The following ACYP2 variants were observed in gnomAD, a reference collection of about 807,000 sequenced individuals.
The protein encoded by ACYP2 is acylphosphatase 2.
A neutral mutation model predicts 11.2 loss-of-function variants in ACYP2; 12 were observed. The ratio of observed to expected loss-of-function variants is 1.08; its 90% CI spans 0.69 to 1.74. The LOEUF is 1.74. ACYP2 is among the 40% of genes most tolerant of loss of function. The pLI, the probability that ACYP2 is intolerant of heterozygous loss-of-function variation, is 0.00. For missense variants in ACYP2, 134 were observed against 101.9 expected (o/e 1.31, Z -1.35); for synonymous variants, 43 against 32.2 (o/e 1.33, Z -1.13).
chr2:54,245,014 G>C (rs1020795141), intron 6 of ACYP2, among the ~76,000 whole-genome samples: 1 of 151,960 alleles, frequency 6.6e-6, no homozygotes, highest in Admixed American at 6.6e-5. Context: ...GTCCTTTAAC[G>C]TATCTCACCA....
chr2:54,237,891 T>G (rs1433189906), intron 6 of ACYP2, among the ~76,000 whole-genome samples: 1 of 152,156 alleles, frequency 6.6e-6, no homozygotes, highest in African/African-American at 2.4e-5. Context: ...TTTCTGGACA[T>G]GCATGAATGG....
At chr2:53,977,480 A>G (rs1671550964) in intron 2 of ACYP2, among the ~76,000 whole-genome samples, 1 of 152,004 alleles carries the variant, frequency 6.6e-6, no homozygotes, top group Non-Finnish European at 1.5e-5. Flanking sequence ...CACACCTGTA[A>G]TCCCAGCACT....
intron 2 of ACYP2, among the ~76,000 whole-genome samples, chr2:54,037,657 C>G (rs951477087): frequency 6.6e-6 from 1 of 152,146 alleles, no homozygotes; most frequent in Non-Finnish European, 1.5e-5. Flanking sequence ...ATCCTCCCCC[C>G]TCACCCTCCC....
intron 4 of ACYP2, among the ~76,000 whole-genome samples, chr2:54,072,466 C>A (rs566981044): frequency 7.9e-6 from 1 of 127,162 alleles, no homozygotes; most frequent in East Asian, 3.3e-4. Context: ...TTCTTTCTTT[C>A]TTTTTCTTTC....
chr2:54,254,677 A>G, intron 6 of ACYP2: 1 of 517,868 alleles, frequency 1.9e-6, no homozygotes, highest in Non-Finnish European at 3.4e-6. Context: ...GCTTAGAAGG[A>G]TGTGACCCAT....
intron 4 of ACYP2, among the ~76,000 whole-genome samples, chr2:54,127,381 T>C (rs1308370168): frequency 6.6e-6 from 1 of 152,198 alleles, no homozygotes; most frequent in Admixed American, 6.5e-5. Context: ...TGCACATAAT[T>C]ATTTTTAAAC....
rs1288814375 is a variant in ACYP2, at chr2:54,219,905, A to ATATTTT, written c.404+81158_404+81159insATTTTT. On this transcript the variant is annotated intron_variant, in intron 6 of 6. Coordinates refer to ENST00000607452, the MANE Select transcript of ACYP2 (RefSeq NM_001320586.2). The stretch of plus-strand genomic sequence containing the variant: ...TGTATATATATATATATATATATAT[A>ATATTTT]TTTTTTTTTTTTTTTTAGTAGAGAT... Among the ~76,000 whole-genome samples the ATATTTT allele has an allele frequency of 2.2e-3, 165 of 75,960 alleles. 1 individual carries two copies. The highest frequency in any genetic ancestry group is 8.0e-3 in the South Asian group (13 of 1,634). The allele number at this position is 75,960 out of a possible 152,430, so 49.8% of individuals were successfully genotyped here.
intron 6 of ACYP2, among the ~76,000 whole-genome samples, chr2:54,247,630 CTGATT>C (rs1687020320): frequency 6.6e-6 from 1 of 152,100 alleles, no homozygotes; most frequent in African/African-American, 2.4e-5. Flanking sequence ...TGCTATACTT[CTGATT>C]TTAGATTCAC....
chr2:54,004,617 A>G (rs558815791), intron 2 of ACYP2, among the ~76,000 whole-genome samples: 10 of 151,220 alleles, frequency 6.6e-5, no homozygotes, highest in South Asian at 4.2e-4. Context: ...TCACAGTGTT[A>G]GCCAGGATGG....
intron 6 of ACYP2, among the ~76,000 whole-genome samples, chr2:54,188,581 C>G (rs1684110209): frequency 6.6e-6 from 1 of 152,102 alleles, no homozygotes; most frequent in Non-Finnish European, 1.5e-5. Context: ...AGGATTATTT[C>G]TGGGTATAGA....
intron 4 of ACYP2, among the ~76,000 whole-genome samples, chr2:54,065,126 T>TAA (rs1676678466): frequency 6.9e-6 from 1 of 145,758 alleles, no homozygotes; most frequent in Admixed American, 7.1e-5. Flanking sequence ...TAAATAAATA[T>TAA]AGAGGGACCA....
chr2:53,981,893 ATT>A (rs1671782138), intron 2 of ACYP2, among the ~76,000 whole-genome samples: 1 of 152,200 alleles, frequency 6.6e-6, no homozygotes, highest in African/African-American at 2.4e-5. Context: ...TAAGTGATGT[ATT>A]TATTTAATGA....
chr2:54,025,824 G>C (rs1215153486), intron 2 of ACYP2, among the ~76,000 whole-genome samples: 1 of 152,186 alleles, frequency 6.6e-6, no homozygotes, highest in African/African-American at 2.4e-5. Flanking sequence ...GACTAGGCAT[G>C]GTGGCTCATG....
chr2:54,027,340 T>A (rs185102315), intron 2 of ACYP2, among the ~76,000 whole-genome samples: 1 of 152,136 alleles, frequency 6.6e-6, no homozygotes, highest in Admixed American at 6.5e-5. Context: ...TTCCCTCCTT[T>A]TCCCCCAGAA....
chr2:54,029,666 A>T (rs1006319995), intron 2 of ACYP2: 1 of 437,548 alleles, frequency 2.3e-6, no homozygotes, highest in South Asian at 2.0e-5. Flanking sequence ...CTTAGCTTGT[A>T]GAGTGCTTAA....
intron 6 of ACYP2, among the ~76,000 whole-genome samples, chr2:54,201,750 C>A (rs1364886920): frequency 2.0e-5 from 3 of 150,600 alleles, no homozygotes; most frequent in Non-Finnish European, 4.4e-5. Flanking sequence ...TACTCTGTCA[C>A]CCAGGCTGGA....
chr2:54,122,811 C>T lies in ACYP2; in HGVS notation c.278-12642C>T, dbSNP rs562045899. Among the ~76,000 whole-genome samples, 47 of 152,266 alleles carry T rather than the reference C, an allele frequency of 3.1e-4. No individual in the cohort carries two copies. In the South Asian group the frequency reaches 5.0e-3, roughly 16 times the overall value. On this transcript the variant is annotated intron_variant, in intron 4 of 6. Transcript: ENST00000607452. The stretch of plus-strand genomic sequence containing the variant: ...GTCTTGAGACTCCTTGGCTCACCTT[C>T]CTCCCAAGGCTTTAAAATAAGAGTT...
At chr2:54,203,907 A>G (rs1684958472) in intron 6 of ACYP2, among the ~76,000 whole-genome samples, 2 of 151,982 alleles carry the variant, frequency 1.3e-5, no homozygotes. Context: ...TGTCCAACCC[A>G]CGGCCCAGGA....
rs550142135 is a variant in ACYP2 at position 54,035,009 on chromosome 2, C to CAA, written c.63-15927_63-15926dup. Among the ~76,000 whole-genome samples the CAA allele has an allele frequency of 6.2e-3, 275 of 44,094 alleles. 5 individuals carry two copies. Among genetic ancestry groups the CAA allele is most frequent in the East Asian group, 8.9e-3 (14 of 1,568 alleles). The allele number at this position is 44,094 out of a possible 152,430, so 28.9% of individuals were successfully genotyped here. On this transcript the variant is annotated intron_variant, in intron 2 of 6. Coordinates refer to ENST00000607452, the MANE Select transcript of ACYP2 (RefSeq NM_001320586.2). ...CAGGCGACAGTGCGAGACTACATCT[C>CAA]AAAAAAAAAAAAAAAAAAAAAAAGC...
Sources: gnomAD v4.1 joint callset for allele counts (sites outside exome capture counted in the v4.1 genomes callset) on GRCh38, gnomAD v4.1.1 for gene constraint, MANE v1.5 for transcripts, NCBI Gene and HGNC (gene_info 2026-07-23, HGNC 2026-07-21) for gene names.